Variants in CDK12 observed in about 807,000 individuals in gnomAD.
CDK12 encodes the protein cyclin dependent kinase 12, also known as cyclin-dependent kinase 12.
Under a neutral mutation model 133.8 loss-of-function variants are expected in CDK12, and 17 were observed. That is an observed-to-expected ratio of 0.13 (90% CI 0.09 to 0.19). CDK12 has a LOEUF of 0.19. CDK12 is among the 10% of genes least tolerant of loss of function. The pLI is 1.00. For synonymous variants in CDK12, 694 were observed against 683.6 expected, an observed-to-expected ratio of 1.02 and a Z score of -0.24; for missense variants, 1,508 against 1,818.7, an observed-to-expected ratio of 0.83 and a Z score of 3.11.
At chr17:39,487,988 TAGG>T (rs2051276744) in intron 2 of CDK12, among the ~76,000 whole-genome samples, 1 of 152,026 alleles carries the variant, frequency 6.6e-6, no homozygotes. Flanking sequence ...CCATACGTGG[TAGG>T]AGGCGAGGCA....
chr17:39,509,622 C>T (rs2053355468), intron 6 of CDK12, 83 bp from the exon 7 acceptor site: 1 of 856,026 alleles, frequency 1.2e-6, no homozygotes, highest in East Asian at 2.4e-5. Context: ...ATTCCTTTAC[C>T]CCTAACTTGG....
chr17:39,491,283 G>A (rs1274787469), intron 3 of CDK12, among the ~76,000 whole-genome samples: 2 of 152,062 alleles, frequency 1.3e-5, no homozygotes, highest in Admixed American at 1.3e-4. Context: ...TGTTGCCCAG[G>A]CTGGGGTGCA....
At chr17:39,525,295 A>G (rs189384603) in intron 12 of CDK12, among the ~76,000 whole-genome samples, 1 of 152,326 alleles carries the variant, frequency 6.6e-6, no homozygotes, top group Non-Finnish European at 1.5e-5. Flanking sequence ...ATGTTGTTCT[A>G]TAGACTGTTA....
chr17:39,494,598 A>G lies in CDK12; in HGVS notation c.2323A>G (p.Ile775Val). 6.2e-7 allele frequency: 1 copy of G among 1,613,752 alleles called. No individual in the cohort carries two copies. The highest frequency in any genetic ancestry group is 8.5e-7 in the Non-Finnish European group (1 of 1,179,718). ...CTTCCCAATCACAGCCATTCGTGAA[A>G]TCAAAATCCTTCGTCAGTTAATCCA... is the stretch of plus-strand genomic sequence containing the variant. ...EGFPITAIREIKILRQLIHRS... is the reference protein window; with the variant it reads ...EGFPITAIREVKILRQLIHRS... Residue 775 changes from isoleucine to valine, a missense_variant, in exon 5 of 14, where the codon ATC becomes GTC. Ile to Val is a conservative substitution (Grantham distance 29, BLOSUM62 3). Transcript: ENST00000447079.
rs768310196 is a variant in CDK12 at position 39,490,714 on chromosome 17, C to T, written c.2089C>T (p.Pro697Ser). The change falls in exon 3 of 14, where the codon CCA becomes TCA. Residue 697 changes from proline (P) to serine (S), a missense_variant. Physicochemically the swap from Pro to Ser is moderately conservative, Grantham distance 74. Transcript: ENST00000447079. ...EPKAITPPQQ[P>S]YKKRPKICCP... ...AAAGGCAATCACACCACCTCAGCAACCATATAAAAAGAGACCAAAGTGAGT... is the reference window on the plus strand; with the variant it reads ...AAAGGCAATCACACCACCTCAGCAATCATATAAAAAGAGACCAAAGTGAGT... 3.7e-5 allele frequency: 59 copies of T among 1,610,600 alleles called. No homozygotes were observed. The East Asian group carries it at 1.3e-3, about 35-fold the overall frequency.
In CDK12 at chr17:39,465,251, T is replaced by TAAA. The variant is rs35826660; in HGVS notation, c.1046+2150_1046+2152dup. On this transcript the variant is annotated intron_variant, in intron 1 of 13. Coordinates refer to ENST00000447079, the MANE Select transcript of CDK12 (RefSeq NM_016507.4). ...ACAGAGACAGAGTAAGACTCAGTCT[T>TAAA]AAAAAAAAAAAAAAAAAAGCCATGT... 6.9e-3 allele frequency among the ~76,000 whole-genome samples: 835 copies of TAAA among 121,228 alleles called. 17 individuals carry two copies. The highest frequency in any genetic ancestry group is 0.025 in the African/African-American group (780 of 31,362). 79.5% of individuals were successfully genotyped at this position (121,228 alleles called of 152,430 possible).
intron 12 of CDK12, 48 bp downstream of exon 12, chr17:39,524,933 A>G: frequency 6.7e-7 from 1 of 1,498,422 alleles, no homozygotes; most frequent in Non-Finnish European, 9.1e-7. Flanking sequence ...CGTATTTGGC[A>G]GGTTTTGAAG....
chr17:39,486,888 G>T (rs990819923), intron 2 of CDK12, among the ~76,000 whole-genome samples: 1 of 151,944 alleles, frequency 6.6e-6, no homozygotes, highest in African/African-American at 2.4e-5. Flanking sequence ...CACGCCTGTA[G>T]TCCCAGCTAC....
intron 9 of CDK12, among the ~76,000 whole-genome samples, chr17:39,516,829 A>AT (rs1256418353): frequency 1.3e-5 from 2 of 150,310 alleles, no homozygotes; most frequent in East Asian, 3.9e-4. Flanking sequence ...CACGCGGCTC[A>AT]TTTTTTTGTA....
chr17:39,485,957 CT>C (rs994932445), intron 2 of CDK12, among the ~76,000 whole-genome samples: 264 of 142,766 alleles, frequency 1.8e-3, no homozygotes, highest in East Asian at 7.6e-3. Flanking sequence ...TTTTCTTTTT[CT>C]TTTTTTTTTT....
chr17:39,518,756 A>G (rs1230206096), intron 10 of CDK12, among the ~76,000 whole-genome samples: 1 of 151,024 alleles, frequency 6.6e-6, no homozygotes, highest in African/African-American at 2.4e-5. Context: ...ATGGCATTTC[A>G]CCATGTTGGC....
At chr17:39,507,524 A>C (rs950467302) in intron 6 of CDK12, among the ~76,000 whole-genome samples, 1 of 151,964 alleles carries the variant, frequency 6.6e-6, no homozygotes, top group Non-Finnish European at 1.5e-5. Context: ...ATCGCACTCC[A>C]GCCTTGGCAA....
At chr17:39,519,298 CTTTTTT>C (rs386386050) in intron 10 of CDK12, among the ~76,000 whole-genome samples, 2 of 53,974 alleles carry the variant, frequency 3.7e-5, no homozygotes, top group African/African-American at 7.7e-5. Flanking sequence ...AATTCAAAGA[CTTTTTT>C]TTTTTTTTTT....
In CDK12 at chr17:39,471,005, T is replaced by C. The variant is rs367868824; in HGVS notation, c.1173T>C (p.Leu391=). 19 of 1,614,154 alleles carry C rather than the reference T, an allele frequency of 1.2e-5. No homozygotes were observed. Among genetic ancestry groups the C allele is most frequent in the Middle Eastern group, 1.6e-4 (1 of 6,062 alleles). ...HSSISPVRLP[L]NSSLGAELSR... Reference sequence around the variant, plus strand: ...GTATCTCACCTGTCAGGCTTCCACTTAATTCCAGTCTGGGAGCTGAACTCA... The same window carrying C: ...GTATCTCACCTGTCAGGCTTCCACTCAATTCCAGTCTGGGAGCTGAACTCA... Residue 391 remains leucine, a synonymous_variant, in exon 2 of 14, where the codon CTT becomes CTC. Transcript: ENST00000447079.
At chr17:39,472,533 G>A (rs917402913) in intron 2 of CDK12, among the ~76,000 whole-genome samples, 2 of 152,002 alleles carry the variant, frequency 1.3e-5, no homozygotes, top group Admixed American at 1.3e-4. Flanking sequence ...AATTAGCTGG[G>A]CGTGGTGGTG....
chr17:39,494,139 C>CCT (rs2051876817), intron 4 of CDK12, among the ~76,000 whole-genome samples: 1 of 152,044 alleles, frequency 6.6e-6, no homozygotes, highest in Non-Finnish European at 1.5e-5. Context: ...CTCACTGCAA[C>CCT]CTCTGCTCAC....
chr17:39,534,246 A>G lies in CDK12; in HGVS notation c.*2930A>G, dbSNP rs2143354416. 2 of 233,036 alleles carry G rather than the reference A, an allele frequency of 8.6e-6. No homozygotes were observed. Among genetic ancestry groups the G allele is most frequent in the African/African-American group, 2.2e-5 (1 of 45,462 alleles). 14.4% of individuals were successfully genotyped at this position (233,036 alleles called of 1,614,324 possible). On this transcript the variant is annotated 3_prime_UTR_variant, in exon 14 of 14. Transcript: ENST00000447079. ...AGTAGAACTTCTATTAGCTTATGCC[A>G]TAGACATCACCCAACCACTTGTATG... is the stretch of plus-strand genomic sequence containing the variant.
downstream of CDK12, among the ~76,000 whole-genome samples, chr17:39,537,559 T>A (rs1008663728): frequency 6.7e-6 from 1 of 148,838 alleles, no homozygotes; most frequent in African/African-American, 2.5e-5. Flanking sequence ...ATTTATTTAT[T>A]TATTTATTTA....
chr17:39,476,856 G>T (rs2145392941), intron 2 of CDK12, among the ~76,000 whole-genome samples: 1 of 150,414 alleles, frequency 6.6e-6, no homozygotes, highest in African/African-American at 2.4e-5. Flanking sequence ...TGAGTAGCTT[G>T]GATTACGGGT....
Sources: gnomAD v4.1 joint callset for allele counts (sites outside exome capture counted in the v4.1 genomes callset) on GRCh38, gnomAD v4.1.1 for gene constraint, MANE v1.5 for transcripts, NCBI Gene and HGNC (gene_info 2026-07-23, HGNC 2026-07-21) for gene names.